The following BRD4 variants were observed in gnomAD, a reference collection of about 807,000 sequenced individuals.
BRD4 encodes bromodomain-containing protein 4.
A neutral mutation model predicts 142.1 loss-of-function variants in BRD4; 16 were observed. The observed-to-expected ratio is 0.11, with a 90% CI of 0.08 to 0.17. The LOEUF (loss-of-function observed/expected upper bound fraction) is 0.17, where lower values mean the gene tolerates loss of function less well. Among genes scored for constraint, BRD4 ranks in the 10% least tolerant of loss-of-function variants. BRD4 has a pLI of 1.00. For synonymous variants in BRD4, 833 were observed against 707.5 expected (o/e 1.18, Z -2.82); for missense variants, 1,424 against 1,810.9 (o/e 0.79, Z 3.88).
intron 7 of BRD4, among the ~76,000 whole-genome samples, chr19:15,260,009 C>T (rs965146114): frequency 2.0e-5 from 3 of 152,226 alleles, no homozygotes; most frequent in Non-Finnish European, 4.4e-5. Context: ...CCAGGGAACA[C>T]CGAGTGCAGG....
rs1195770428 is a variant in BRD4, at chr19:15,239,889, TGGCCCA to T, written c.3282+15_3282+20del. On this transcript the variant is annotated intron_variant, in intron 15 of 19. Transcript: ENST00000679869. The surrounding 1 kb of genome is among the most constrained non-coding windows in gnomAD (Gnocchi z 7.4). ...CCCCCGGCCCTAGCCCACAGGACTA[TGGCCCA>T]GCCCTGCCAGTTACCTGTTTCTTAG... 1 of 1,614,034 alleles carries T rather than the reference TGGCCCA, an allele frequency of 6.2e-7. No individual in the cohort carries two copies. Among genetic ancestry groups the T allele is most frequent in the East Asian group, 2.2e-5 (1 of 44,864 alleles).
rs1426763704 is a variant in BRD4 at position 15,255,424 on chromosome 19, C to T, written c.1920G>A (p.Arg640=). The T allele has an allele frequency of 4.3e-6, 7 of 1,614,090 alleles. No individual in the cohort carries two copies. In the East Asian group the frequency reaches 1.6e-4, roughly 36 times the overall value. ...LGRVVHIIQS[R]EPSLKNSNPD... ...GGTTGGAATTCTTCAGGGAGGGCTCCCGTGACTGGATGATGTGCACCACGC... is the reference window on the plus strand; with the variant it reads ...GGTTGGAATTCTTCAGGGAGGGCTCTCGTGACTGGATGATGTGCACCACGC... Residue 640 remains arginine, a synonymous_variant, in exon 10 of 20, where the codon CGG becomes CGA. Coordinates refer to ENST00000679869, the MANE Select transcript of BRD4 (RefSeq NM_001379291.1).
intron 11 of BRD4, among the ~76,000 whole-genome samples, chr19:15,251,761 G>A (rs1460894988): frequency 2.6e-5 from 4 of 152,146 alleles, no homozygotes; most frequent in African/African-American, 4.8e-5. Context: ...CTCCTGAGAG[G>A]AGAAGCACCC....
chr19:15,247,890 G>C (rs1421563759), intron 11 of BRD4: 1 of 228,490 alleles, frequency 4.4e-6, no homozygotes, highest in South Asian at 1.8e-4. Flanking sequence ...GGAGGCCCTG[G>C]TGAGGCCAGG....
chr19:15,275,027 A>G (rs939910143), intron 1 of BRD4, among the ~76,000 whole-genome samples: 4 of 151,874 alleles, frequency 2.6e-5, no homozygotes, highest in African/African-American at 4.8e-5. Flanking sequence ...GCTGGCTAAT[A>G]TTTGTATTTT....
chr19:15,277,899 G>A (rs2047664834), intron 1 of BRD4, among the ~76,000 whole-genome samples: 1 of 151,658 alleles, frequency 6.6e-6, no homozygotes, highest in African/African-American at 2.4e-5. Context: ...GAGGTCAGGA[G>A]ACCGAGACCA....
intron 1 of BRD4, among the ~76,000 whole-genome samples, chr19:15,292,075 A>AT: frequency 6.6e-6 from 1 of 152,222 alleles, no homozygotes; most frequent in Admixed American, 6.5e-5. Context: ...GTGCTGAATG[A>AT]TAGCCACTCA....
At chr19:15,281,499 G>A (rs966877867) in intron 1 of BRD4, among the ~76,000 whole-genome samples, 2 of 152,266 alleles carry the variant, frequency 1.3e-5, no homozygotes, top group African/African-American at 4.8e-5. Flanking sequence ...TCATCAGCAG[G>A]CTAATTAAAC....
intron 3 of BRD4, 131 bp from the exon 4 acceptor site, chr19:15,267,682 G>T: frequency 1.9e-6 from 2 of 1,037,306 alleles, no homozygotes; most frequent in Non-Finnish European, 2.8e-6. Context: ...TCCCCGATCT[G>T]CACCCAAAGG....
At position 15,238,897 on chromosome 19, in the gene BRD4, TGCTGCTGCTGCTGCTCCTGGCGCC is replaced by T; in HGVS notation, c.3842_3865del (p.Arg1281_Gln1288del). 6.3e-7 allele frequency: 1 copy of T among 1,580,744 alleles called. No individual in the cohort carries two copies. Among genetic ancestry groups the T allele is most frequent in the Non-Finnish European group, 8.6e-7 (1 of 1,164,614 alleles). ...CTGCTGCTGCTGTTGCTCCTGGCGC[TGCTGCTGCTGCTGCTCCTGGCGCC>T]GACGTGCCTCCTCATGGGCCCGCCG... On this transcript the variant is annotated inframe_deletion, in exon 19 of 20. Transcript: ENST00000679869. The surrounding 1 kb of genome is among the most constrained non-coding windows in gnomAD (Gnocchi z 7.2).
intron 1 of BRD4, among the ~76,000 whole-genome samples, chr19:15,317,292 C>A (rs933844768): frequency 3.3e-5 from 5 of 152,150 alleles, no homozygotes; most frequent in African/African-American, 1.2e-4. Context: ...TAAAACAGAA[C>A]AATCAGCAGC....
chr19:15,326,920 C>T (rs368596406), intron 1 of BRD4, among the ~76,000 whole-genome samples: 1 of 152,194 alleles, frequency 6.6e-6, no homozygotes, highest in African/African-American at 2.4e-5. Context: ...AATAAAGGAA[C>T]TGCAAGTTTG....
At chr19:15,292,451 G>A (rs1366677271) in intron 1 of BRD4, among the ~76,000 whole-genome samples, 1 of 152,166 alleles carries the variant, frequency 6.6e-6, no homozygotes, top group Non-Finnish European at 1.5e-5. Context: ...ATAGGGCATC[G>A]TGAGCAAATG....
intron 7 of BRD4, among the ~76,000 whole-genome samples, chr19:15,260,203 C>T (rs770286401): frequency 1.3e-5 from 2 of 152,236 alleles, no homozygotes; most frequent in Non-Finnish European, 2.9e-5. Flanking sequence ...CAGGTTTTCT[C>T]AATGACCCGA....
chr19:15,257,138 G>A lies in BRD4; in HGVS notation c.1377C>T (p.Asp459=), dbSNP rs200046003. Reference sequence around the variant, plus strand: ...CGGCCACCACTGGCTCCTCAGGCTCGTCCGGCATCTTGGCAAAGCGCATTT... The same window carrying A: ...CGGCCACCACTGGCTCCTCAGGCTCATCCGGCATCTTGGCAAAGCGCATTT... ...VFEMRFAKMP[D]EPEEPVVAVS... The change falls in exon 8 of 20, where the codon GAC becomes GAT. Residue 459 remains aspartate, a synonymous_variant. Coordinates refer to ENST00000679869, the MANE Select transcript of BRD4 (RefSeq NM_001379291.1). 23 of 1,608,574 alleles carry A rather than the reference G, an allele frequency of 1.4e-5. No homozygotes were observed. Among genetic ancestry groups the A allele is most frequent in the Admixed American group, 3.3e-5 (2 of 59,850 alleles).
In BRD4 at chr19:15,265,719, A is replaced by G. The variant is rs955252400; in HGVS notation, c.560-76T>C. On this transcript the variant is annotated intron_variant, in intron 4 of 19. Coordinates refer to ENST00000679869, the MANE Select transcript of BRD4 (RefSeq NM_001379291.1). Reference sequence around the variant, plus strand: ...GCTGGCTGACCTCGTGGGGACATACACCACACACAGTGAACGCACATTCGC... The same window carrying G: ...GCTGGCTGACCTCGTGGGGACATACGCCACACACAGTGAACGCACATTCGC... 15 of 1,463,946 alleles carry G rather than the reference A, an allele frequency of 1.0e-5. No homozygotes were observed. The East Asian group carries it at 2.5e-4, about 24-fold the overall frequency. The allele number at this position is 1,463,946 out of a possible 1,614,324, so 90.7% of individuals were successfully genotyped here.
At chr19:15,288,412 T>C (rs554544801) in intron 1 of BRD4, among the ~76,000 whole-genome samples, 10 of 152,058 alleles carry the variant, frequency 6.6e-5, no homozygotes, top group African/African-American at 2.2e-4. Flanking sequence ...AAATAATAAA[T>C]AAAAATAAAT....
intron 1 of BRD4, among the ~76,000 whole-genome samples, chr19:15,330,770 G>A (rs770881567): frequency 6.6e-6 from 1 of 152,154 alleles, no homozygotes; most frequent in South Asian, 2.1e-4. Context: ...CCATCTAAAA[G>A]TATATGTATA....
At chr19:15,244,180 A>C in intron 13 of BRD4, 51 bp downstream of exon 13, 1 of 1,536,072 alleles carries the variant, frequency 6.5e-7, no homozygotes, top group Admixed American at 2.0e-5. Context: ...CACATGGGTA[A>C]ACCGAGGCAG....
Sources: allele counts gnomAD v4.1 joint callset (sites outside exome capture counted in the v4.1 genomes callset), GRCh38; gene constraint gnomAD v4.1.1; non-coding constraint Gnocchi (gnomAD v3.1); transcripts MANE v1.5; gene names NCBI Gene and HGNC (gene_info 2026-07-23, HGNC 2026-07-21).